Variants in PALLD observed in about 807,000 individuals in gnomAD.
PALLD encodes palladin, cytoskeletal associated protein, also known as palladin.
A neutral mutation model predicts 123.5 loss-of-function variants in PALLD; 61 were observed. The ratio of observed to expected loss-of-function variants is 0.49; its 90% CI spans 0.40 to 0.61. PALLD has a LOEUF of 0.61. Among genes scored for constraint, PALLD ranks in the 20% least tolerant of loss-of-function variants. PALLD has a pLI of 0.00. For missense variants in PALLD, 1,273 were observed against 1,377.0 expected (o/e 0.92, Z 1.20); for synonymous variants, 465 against 496.4 (o/e 0.94, Z 0.84).
intron 2 of PALLD, among the ~76,000 whole-genome samples, chr4:168,522,222 G>C (rs1356138876): frequency 6.6e-6 from 1 of 152,126 alleles, no homozygotes; most frequent in Non-Finnish European, 1.5e-5. Context: ...CTTTGTTTTT[G>C]TATTTCAATA....
intron 2 of PALLD, among the ~76,000 whole-genome samples, chr4:168,529,680 G>A (rs1030595402): frequency 7.9e-5 from 12 of 152,196 alleles, no homozygotes. Context: ...GGCTTCTGTA[G>A]TGGGAGTTCT....
chr4:168,653,735 CAG>C (rs1778283317), intron 2 of PALLD, among the ~76,000 whole-genome samples: 1 of 152,112 alleles, frequency 6.6e-6, no homozygotes, highest in Non-Finnish European at 1.5e-5. Context: ...TTTTTTGAGA[CAG>C]AGTCTCATCT....
At chr4:168,617,569 T>C (rs901722048) in intron 2 of PALLD, among the ~76,000 whole-genome samples, 4 of 151,844 alleles carry the variant, frequency 2.6e-5, no homozygotes, top group African/African-American at 9.7e-5. Context: ...TTAAAGAGAG[T>C]ATAATGAGGG....
chr4:168,849,767 A>T (rs968219980), intron 10 of PALLD, among the ~76,000 whole-genome samples: 1 of 140,584 alleles, frequency 7.1e-6, no homozygotes, highest in Non-Finnish European at 1.6e-5. Flanking sequence ...AAAAAAAAAA[A>T]CACTGACCCT....
Position 168,878,031 on chromosome 4 carries a change from C to T in PALLD, c.1965-12891C>T, listed in dbSNP as rs964886859. On this transcript the variant is annotated intron_variant, in intron 10 of 21. Coordinates refer to ENST00000505667, the MANE Select transcript of PALLD (RefSeq NM_001166108.2). ...GGCACGCCGGCCTCCAGCCCCAGCT[C>T]GTCCAGCCTCCCGTCGCCCATGTCC... 4 of 1,489,698 alleles carry T rather than the reference C, an allele frequency of 2.7e-6. No individual in the cohort carries two copies. The highest frequency in any genetic ancestry group is 2.9e-5 in the African/African-American group (2 of 68,502). The allele number at this position is 1,489,698 out of a possible 1,614,324, so 92.3% of individuals were successfully genotyped here. A position where few individuals can be genotyped will look rare whatever the true frequency, so the allele number is the denominator to read the frequency against.
At chr4:168,823,046 A>C (rs912625615) in intron 10 of PALLD, among the ~76,000 whole-genome samples, 2 of 152,216 alleles carry the variant, frequency 1.3e-5, no homozygotes, top group Admixed American at 1.3e-4. Context: ...CCATTAAAAA[A>C]AATAGAATTA....
In PALLD at chr4:168,679,967, C is replaced by T. The variant is rs1190368194; in HGVS notation, c.1088-1365C>T. ...GACAGCAAACATTCCAGCAGAGTTACCTAAACATGACTGTTTTCAATGTCA... is the reference window on the plus strand; with the variant it reads ...GACAGCAAACATTCCAGCAGAGTTATCTAAACATGACTGTTTTCAATGTCA... On this transcript the variant is annotated intron_variant, in intron 3 of 21. Transcript: ENST00000505667. Among the ~76,000 whole-genome samples, 5 of 151,940 alleles carry T rather than the reference C, an allele frequency of 3.3e-5. No individual in the cohort carries two copies. In the East Asian group the frequency reaches 9.6e-4, roughly 29 times the overall value.
At chr4:168,751,172 C>T (rs577081627) in intron 10 of PALLD, among the ~76,000 whole-genome samples, 21 of 152,138 alleles carry the variant, frequency 1.4e-4, no homozygotes, top group Admixed American at 5.9e-4. Flanking sequence ...GCCACCATGC[C>T]TGGCTAATTT....
chr4:168,799,631 C>T (rs1297154703), intron 10 of PALLD, among the ~76,000 whole-genome samples: 1 of 152,136 alleles, frequency 6.6e-6, no homozygotes, highest in East Asian at 1.9e-4. Context: ...TGTTAAGTAA[C>T]CAAGATTTTT....
chr4:168,887,213 C>T (rs1228447347), intron 10 of PALLD, among the ~76,000 whole-genome samples: 2 of 152,098 alleles, frequency 1.3e-5, no homozygotes, highest in African/African-American at 4.8e-5. Flanking sequence ...GATAAATTAC[C>T]CTTGTGGCAG....
At chr4:168,904,995 T>A (rs961324995) in intron 15 of PALLD, among the ~76,000 whole-genome samples, 4 of 151,758 alleles carry the variant, frequency 2.6e-5, no homozygotes, top group African/African-American at 9.7e-5. Flanking sequence ...GGTGTGGTGG[T>A]AGGCACCTGT....
At chr4:168,759,898 A>T (rs1732581115) in intron 10 of PALLD, among the ~76,000 whole-genome samples, 1 of 152,064 alleles carries the variant, frequency 6.6e-6, no homozygotes, top group African/African-American at 2.4e-5. Context: ...TACTAAAAAT[A>T]CAAAAATTAG....
chr4:168,794,380 C>T (rs1013777361), intron 10 of PALLD, among the ~76,000 whole-genome samples: 1 of 152,180 alleles, frequency 6.6e-6, no homozygotes, highest in Non-Finnish European at 1.5e-5. Context: ...GAAAGCAATC[C>T]TCTCCTCCCC....
chr4:168,785,796 G>A (rs1736625074), intron 10 of PALLD, among the ~76,000 whole-genome samples: 1 of 142,320 alleles, frequency 7.0e-6, no homozygotes, highest in African/African-American at 2.6e-5. Flanking sequence ...GGCCTAGCTG[G>A]CTTTAAAATA....
At chr4:168,794,085 A>T (rs1738043561) in intron 10 of PALLD, among the ~76,000 whole-genome samples, 1 of 152,058 alleles carries the variant, frequency 6.6e-6, no homozygotes, top group Non-Finnish European at 1.5e-5. Flanking sequence ...CTCAGCCTCG[A>T]CGGAACCCCT....
chr4:168,912,662 A>G (rs1050866829), intron 15 of PALLD, among the ~76,000 whole-genome samples: 6 of 152,212 alleles, frequency 3.9e-5, no homozygotes, highest in Non-Finnish European at 8.8e-5. Flanking sequence ...AAGCATGTAT[A>G]CAACGTATAA....
At chr4:168,831,019 C>T (rs1744135156) in intron 10 of PALLD, among the ~76,000 whole-genome samples, 1 of 152,174 alleles carries the variant, frequency 6.6e-6, no homozygotes, top group African/African-American at 2.4e-5. Context: ...ATTTTGTTAA[C>T]AGCTTATTGT....
chr4:168,898,419 T>A (rs746744278), intron 13 of PALLD, 74 bp from the exon 14 acceptor site: 1 of 922,628 alleles, frequency 1.1e-6, no homozygotes, highest in African/African-American at 1.6e-5. Flanking sequence ...TAGGGCCTTA[T>A]TGGGGGGCAG....
chr4:168,634,081 A>G (rs1776102422), intron 2 of PALLD, among the ~76,000 whole-genome samples: 1 of 152,200 alleles, frequency 6.6e-6, no homozygotes, highest in Non-Finnish European at 1.5e-5. Context: ...TGTCTCTTAA[A>G]TTAATCATGA....
Sources: gnomAD v4.1 joint callset for allele counts (sites outside exome capture counted in the v4.1 genomes callset) on GRCh38, gnomAD v4.1.1 for gene constraint, MANE v1.5 for transcripts, NCBI Gene and HGNC (gene_info 2026-07-23, HGNC 2026-07-21) for gene names.